Variants in MECOM observed in about 807,000 individuals in gnomAD.
MECOM encodes MDS1 and EVI1 complex locus.
MECOM carries 13 observed loss-of-function variants against 116.3 expected under a neutral mutation model. That is an observed-to-expected ratio of 0.11 (90% CI 0.07 to 0.18). The LOEUF (loss-of-function observed/expected upper bound fraction) is 0.18. Among genes scored for constraint, MECOM ranks in the 10% least tolerant of loss-of-function variants. MECOM has a pLI of 1.00. For synonymous variants in MECOM, 528 were observed against 535.2 expected, an observed-to-expected ratio of 0.99 and a Z score of 0.19; for missense variants, 1,299 against 1,509.0, an observed-to-expected ratio of 0.86 and a Z score of 2.31.
chr3:169,291,669 A>G (rs1214509693), intron 2 of MECOM, among the ~76,000 whole-genome samples: 1 of 152,216 alleles, frequency 6.6e-6, no homozygotes, highest in East Asian at 1.9e-4. Flanking sequence ...TATAGCATCT[A>G]TTATTGAAAG....
intron 1 of MECOM, among the ~76,000 whole-genome samples, chr3:169,471,504 G>A (rs1335447980): frequency 1.3e-5 from 2 of 152,140 alleles, no homozygotes; most frequent in African/African-American, 4.8e-5. Context: ...AAAACTAAGT[G>A]AAACTTCTCA....
intron 1 of MECOM, among the ~76,000 whole-genome samples, chr3:169,401,927 A>G (rs1260406948): frequency 6.6e-6 from 1 of 152,168 alleles, no homozygotes; most frequent in Non-Finnish European, 1.5e-5. Flanking sequence ...TCCTATTGTC[A>G]ATATGGAAAA....
chr3:169,314,209 C>A (rs1235557484), intron 2 of MECOM, among the ~76,000 whole-genome samples: 1 of 152,192 alleles, frequency 6.6e-6, no homozygotes, highest in African/African-American at 2.4e-5. Context: ...CTTCACTGAC[C>A]ACTTCCTACG....
chr3:169,641,278 G>A (rs746108515), intron 1 of MECOM, among the ~76,000 whole-genome samples: 5 of 152,206 alleles, frequency 3.3e-5, no homozygotes, highest in African/African-American at 1.2e-4. Flanking sequence ...AGCACTTGGA[G>A]TTACCTCAGG....
At chr3:169,543,312 T>C (rs565994988) in intron 1 of MECOM, among the ~76,000 whole-genome samples, 36 of 152,354 alleles carry the variant, frequency 2.4e-4, no homozygotes, top group African/African-American at 8.4e-4. Context: ...CAGTGGCTCA[T>C]GTCTGCAGTT....
chr3:169,621,684 G>C (rs766661284), intron 1 of MECOM, among the ~76,000 whole-genome samples: 14 of 152,150 alleles, frequency 9.2e-5, no homozygotes, highest in Non-Finnish European at 1.5e-4. Context: ...TTGAACCCAG[G>C]GGGTGGAGTT....
At chr3:169,378,925 G>GT (rs536451038) in intron 2 of MECOM, among the ~76,000 whole-genome samples, 41 of 150,678 alleles carry the variant, frequency 2.7e-4, no homozygotes, top group Non-Finnish European at 3.8e-4. Flanking sequence ...GGCCTAAGAG[G>GT]TTTTTTTTTC....
At chr3:169,261,509 G>A (rs1294101673) in intron 2 of MECOM, among the ~76,000 whole-genome samples, 2 of 152,134 alleles carry the variant, frequency 1.3e-5, no homozygotes, top group African/African-American at 2.4e-5. Flanking sequence ...GACCAGCCTG[G>A]CCAACATGGT....
intron 1 of MECOM, among the ~76,000 whole-genome samples, chr3:169,474,178 A>G (rs772715530): frequency 2.0e-5 from 3 of 152,190 alleles, no homozygotes; most frequent in Non-Finnish European, 4.4e-5. Context: ...GATCTGCATC[A>G]ATAATAATTT....
intron 2 of MECOM, among the ~76,000 whole-genome samples, chr3:169,270,975 A>C (rs1235558764): frequency 6.6e-6 from 1 of 152,184 alleles, no homozygotes; most frequent in Non-Finnish European, 1.5e-5. Flanking sequence ...TGTTGACAAG[A>C]GTTTGAGTCC....
intron 2 of MECOM, among the ~76,000 whole-genome samples, chr3:169,354,661 T>C (rs563961801): frequency 1.2e-4 from 19 of 152,046 alleles, no homozygotes; most frequent in African/African-American, 4.6e-4. Flanking sequence ...TGGCTAATCA[T>C]AGAACGCTGA....
intron 2 of MECOM, among the ~76,000 whole-genome samples, chr3:169,354,439 A>G (rs1726897493): frequency 6.6e-6 from 1 of 151,878 alleles, no homozygotes; most frequent in South Asian, 2.1e-4. Context: ...CTAGTTCATA[A>G]TATTTCCATA....
At chr3:169,635,294 C>T (rs1226034200) in intron 1 of MECOM, among the ~76,000 whole-genome samples, 2 of 152,182 alleles carry the variant, frequency 1.3e-5, no homozygotes, top group Non-Finnish European at 2.9e-5. Flanking sequence ...TAGAACAGTG[C>T]CTATGAGCTT....
At chr3:169,615,362 T>C (rs1430392525) in intron 1 of MECOM, among the ~76,000 whole-genome samples, 5 of 152,240 alleles carry the variant, frequency 3.3e-5, no homozygotes, top group Non-Finnish European at 5.9e-5. Context: ...TGAATGAACA[T>C]ATGAATTTGA....
chr3:169,498,419 TA>T (rs1754105423), intron 1 of MECOM, among the ~76,000 whole-genome samples: 1 of 152,092 alleles, frequency 6.6e-6, no homozygotes. Flanking sequence ...TCATGGACCA[TA>T]AAAGAAAAGG....
chr3:169,482,616 G>T (rs926475457), intron 1 of MECOM, among the ~76,000 whole-genome samples: 1 of 151,998 alleles, frequency 6.6e-6, no homozygotes, highest in East Asian at 1.9e-4. Flanking sequence ...TTACGGGCGT[G>T]AGCCACCGCG....
intron 2 of MECOM, among the ~76,000 whole-genome samples, chr3:169,214,260 G>T (rs1560002045): frequency 6.6e-6 from 1 of 151,984 alleles, no homozygotes; most frequent in Admixed American, 6.6e-5. Context: ...CGGTAGAAAA[G>T]AGAACTAAAC....
chr3:169,208,593 C>T (rs1369576708), intron 2 of MECOM, among the ~76,000 whole-genome samples: 1 of 151,670 alleles, frequency 6.6e-6, no homozygotes, highest in Admixed American at 6.6e-5. Flanking sequence ...TTTAAATTAC[C>T]TTATATGTTA....
At chr3:169,291,088 T>C (rs1232392412) in intron 2 of MECOM, among the ~76,000 whole-genome samples, 1 of 152,228 alleles carries the variant, frequency 6.6e-6, no homozygotes, top group Non-Finnish European at 1.5e-5. Context: ...AATCCTTCTA[T>C]ATACTTTACC....
Sources: allele counts gnomAD v4.1 joint callset (sites outside exome capture counted in the v4.1 genomes callset), GRCh38; gene constraint gnomAD v4.1.1; transcripts MANE v1.5; gene names NCBI Gene and HGNC (gene_info 2026-07-23, HGNC 2026-07-21).